BTD: variants seen among roughly 807,000 people sequenced by gnomAD.
BTD encodes biocytinase.
BTD carries 13 observed loss-of-function variants against 17.7 expected under a neutral mutation model. The observed-to-expected ratio is 0.74, with a 90% CI of 0.48 to 1.17. BTD has a LOEUF of 1.17. BTD is among the 50% of genes most tolerant of loss of function. BTD has a pLI of 0.00. For synonymous variants in BTD, 240 were observed against 245.2 expected (o/e 0.98, Z 0.20); for missense variants, 674 against 650.4 (o/e 1.04, Z -0.39).
chr3:15,688,678 T>C (rs776178908), intron 3 of BTD, among the ~76,000 whole-genome samples: 16 of 152,170 alleles, frequency 1.1e-4, no homozygotes, highest in Non-Finnish European at 2.2e-4. Flanking sequence ...ATCCAAGACA[T>C]ATATTCAAAT....
rs1310864449 is a variant in BTD at position 15,610,048 on chromosome 3, A to G, written c.-17+8154A>G. ...TGTTTGTTGAGAAGTAAGAATCCATATAATATGTCAATTAGATTTGCTGTG... is the reference window on the plus strand; with the variant it reads ...TGTTTGTTGAGAAGTAAGAATCCATGTAATATGTCAATTAGATTTGCTGTG... On this transcript the variant is annotated intron_variant, in intron 1 of 3. Transcript: ENST00000643237. Among the ~76,000 whole-genome samples the G allele has an allele frequency of 8.4e-5, 10 of 118,468 alleles. No individual in the cohort carries two copies. In the East Asian group the frequency reaches 1.9e-3, roughly 23 times the overall value. The allele number at this position is 118,468 out of a possible 152,430, so 77.7% of individuals were successfully genotyped here. A position where few individuals can be genotyped will look rare whatever the true frequency, so the allele number is the denominator to read the frequency against.
downstream of BTD, among the ~76,000 whole-genome samples, chr3:15,716,586 C>T (rs2073085442): frequency 6.6e-6 from 1 of 151,896 alleles, no homozygotes; most frequent in Non-Finnish European, 1.5e-5. Flanking sequence ...GCCTGGCCAG[C>T]TATAGCCAAT....
intron 1 of BTD, among the ~76,000 whole-genome samples, chr3:15,634,810 C>G (rs576088428): frequency 6.6e-6 from 1 of 152,158 alleles, no homozygotes; most frequent in East Asian, 1.9e-4. Context: ...AAGAAAGTAG[C>G]TATTGGCATT....
At chr3:15,696,188 T>A (rs1248663442) in intron 3 of BTD, 2 of 1,594,800 alleles carry the variant, frequency 1.3e-6, no homozygotes, top group South Asian at 1.1e-5. Flanking sequence ...CTGCGTTGTA[T>A]CCTTGCTTAT....
downstream of BTD, among the ~76,000 whole-genome samples, chr3:15,655,078 G>A (rs1373110500): frequency 6.6e-6 from 1 of 152,172 alleles, no homozygotes; most frequent in African/African-American, 2.4e-5. Context: ...GCCACAGGAG[G>A]AAAAGCCCCT....
chr3:15,707,581 C>T (rs192925979), intron 3 of BTD, among the ~76,000 whole-genome samples: 2 of 152,286 alleles, frequency 1.3e-5, no homozygotes, highest in African/African-American at 4.8e-5. Flanking sequence ...TATATCTCCT[C>T]TCTCCCTTTC....
At position 15,644,670 on chromosome 3, in the gene BTD, T is replaced by G. The variant is rs397514387; in HGVS notation, c.754T>G (p.Trp252Gly). 2 of 1,614,210 alleles carry G rather than the reference T, an allele frequency of 1.2e-6. No individual in the cohort carries two copies. The highest frequency in any genetic ancestry group is 3.3e-5 in the Admixed American group (2 of 60,030). The change falls in exon 4 of 4, where the codon TGG becomes GGG. Residue 252 changes from tryptophan (W) to glycine (G), a missense_variant. Transcript: ENST00000643237. ...GAAGCATGTTGTGTACCCAACTGCCTGGATGAACCAGCTCCCACTCTTGGC... is the reference window on the plus strand; with the variant it reads ...GAAGCATGTTGTGTACCCAACTGCCGGGATGAACCAGCTCCCACTCTTGGC... Reference protein sequence around the residue: ...KVKHVVYPTAWMNQLPLLAAI... With the variant: ...KVKHVVYPTAGMNQLPLLAAI...
intron 3 of BTD, among the ~76,000 whole-genome samples, chr3:15,695,686 C>G (rs965462124): frequency 3.9e-4 from 60 of 152,098 alleles, no homozygotes; most frequent in African/African-American, 1.4e-3. Flanking sequence ...AGAATCAGAC[C>G]ACAGCAGAAA....
chr3:15,638,256 C>G (rs999432704), intron 2 of BTD, among the ~76,000 whole-genome samples: 1 of 152,166 alleles, frequency 6.6e-6, no homozygotes, highest in Non-Finnish European at 1.5e-5. Context: ...CAGAAAACAT[C>G]AGCTAAGAAA....
At chr3:15,714,480 G>A (rs992064513), downstream of BTD, 19 of 817,828 alleles carry the variant, frequency 2.3e-5, no homozygotes, top group South Asian at 3.0e-4. Context: ...CACAAAATGC[G>A]ATGACAATTC....
chr3:15,656,286 T>C (rs2065870803), downstream of BTD, among the ~76,000 whole-genome samples: 1 of 152,168 alleles, frequency 6.6e-6, no homozygotes, highest in Non-Finnish European at 1.5e-5. Context: ...CTCACATCTG[T>C]TGCCTTGGTT....
At chr3:15,698,018 G>A (rs1026600403) in intron 3 of BTD, among the ~76,000 whole-genome samples, 4 of 151,780 alleles carry the variant, frequency 2.6e-5, no homozygotes, top group African/African-American at 4.8e-5. Context: ...GTTTATTTGC[G>A]TAGAGGTGTT....
intron 1 of BTD, among the ~76,000 whole-genome samples, chr3:15,615,344 A>G (rs988103863): frequency 3.9e-5 from 6 of 152,184 alleles, no homozygotes; most frequent in African/African-American, 1.4e-4. Flanking sequence ...GATGAGATGT[A>G]CAAGTTTCTA....
chr3:15,711,258 G>A (rs982750598), exon 4 of BTD: 2 of 1,610,950 alleles, frequency 1.2e-6, no homozygotes, highest in African/African-American at 1.3e-5. Context: ...AATCATCTGG[G>A]GTATCTATAT....
intron 3 of BTD, chr3:15,669,220 T>C (rs1002238331): frequency 1.3e-5 from 2 of 152,202 alleles, no homozygotes; most frequent in African/African-American, 4.8e-5. Flanking sequence ...TATTTTCCTT[T>C]TGATTATTCA....
chr3:15,614,007 G>A (rs2064714400), intron 1 of BTD, among the ~76,000 whole-genome samples: 1 of 150,976 alleles, frequency 6.6e-6, no homozygotes, highest in Non-Finnish European at 1.5e-5. Context: ...TTTCTTTTTG[G>A]TTGTCTTGAA....
At chr3:15,693,629 A>C (rs1398086205) in intron 3 of BTD, among the ~76,000 whole-genome samples, 4 of 151,320 alleles carry the variant, frequency 2.6e-5, no homozygotes, top group Non-Finnish European at 5.9e-5. Context: ...GCTGCTGCTA[A>C]TGCTGCTCAG....
At chr3:15,720,829 C>G in intron 4 of BTD, 2 of 1,216,660 alleles carry the variant, frequency 1.6e-6, no homozygotes, top group Non-Finnish European at 2.3e-6. Flanking sequence ...ATCAATATTC[C>G]TTTTTATTGC....
intron 1 of BTD, among the ~76,000 whole-genome samples, chr3:15,615,747 C>T (rs964987952): frequency 6.6e-6 from 1 of 152,122 alleles, no homozygotes; most frequent in African/African-American, 2.4e-5. Context: ...AATCAGTGAA[C>T]CTGCATTGAC....
Sources: gnomAD v4.1 joint callset for allele counts (sites outside exome capture counted in the v4.1 genomes callset) on GRCh38, gnomAD v4.1.1 for gene constraint, MANE v1.5 for transcripts, NCBI Gene and HGNC (gene_info 2026-07-23, HGNC 2026-07-21) for gene names.